Variants in ARHGEF33 observed in about 807,000 individuals in gnomAD.
The protein encoded by ARHGEF33 is Rho guanine nucleotide exchange factor 33.
In ARHGEF33, 72 loss-of-function variants were observed where a neutral mutation model predicts 101.9. That is an observed-to-expected ratio of 0.71 (90% CI 0.58 to 0.86). The LOEUF (loss-of-function observed/expected upper bound fraction) is 0.86. Among genes scored for constraint, ARHGEF33 ranks in the 40% least tolerant of loss-of-function variants. ARHGEF33 has a pLI of 0.00. For missense variants in ARHGEF33, 1,169 were observed against 1,111.3 expected (o/e 1.05, Z -0.74); for synonymous variants, 499 against 442.5 (o/e 1.13, Z -1.60).
chr2:38,910,769 C>T (rs534575435), intron 2 of ARHGEF33, among the ~76,000 whole-genome samples: 63 of 152,188 alleles, frequency 4.1e-4, no homozygotes, highest in Non-Finnish European at 6.8e-4. Context: ...TCAGTCCATT[C>T]AACCAGTTTA....
chr2:38,904,664 C>T (rs1039939696), intron 2 of ARHGEF33, among the ~76,000 whole-genome samples: 185 of 148,518 alleles, frequency 1.2e-3, no homozygotes, highest in African/African-American at 4.4e-3. Context: ...GCTGAGATTG[C>T]ACCACTGCAC....
chr2:38,943,462 C>A (rs1667363880), intron 9 of ARHGEF33, among the ~76,000 whole-genome samples: 2 of 152,160 alleles, frequency 1.3e-5, no homozygotes, highest in African/African-American at 4.8e-5. Flanking sequence ...AAGTCTTTAG[C>A]CCAGATCCCA....
At chr2:38,945,915 G>A (rs1667439194) in intron 10 of ARHGEF33, among the ~76,000 whole-genome samples, 2 of 152,264 alleles carry the variant, frequency 1.3e-5, no homozygotes, top group South Asian at 2.1e-4. Context: ...AATTAGTGCC[G>A]GGATTCAAAC....
chr2:38,890,074 G>T, intron 1 of ARHGEF33, 88 bp downstream of exon 1: 1 of 271,118 alleles, frequency 3.7e-6, no homozygotes, highest in Non-Finnish European at 7.9e-6. Context: ...CTTACCACGT[G>T]GTGTACTAAT....
intron 2 of ARHGEF33, among the ~76,000 whole-genome samples, chr2:38,910,605 A>G (rs1666488151): frequency 6.6e-6 from 1 of 152,218 alleles, no homozygotes; most frequent in Admixed American, 6.5e-5. Flanking sequence ...GAAAGAAATT[A>G]TTGGCAACAA....
chr2:38,895,962 AT>A (rs965714110), intron 2 of ARHGEF33, 113 bp downstream of exon 2: 1 of 152,206 alleles, frequency 6.6e-6, no homozygotes, highest in Non-Finnish European at 1.5e-5. Flanking sequence ...TCTTTGTAGA[AT>A]TTTATAACCA....
At chr2:38,894,085 G>A (rs773130602) in intron 1 of ARHGEF33, among the ~76,000 whole-genome samples, 3 of 152,150 alleles carry the variant, frequency 2.0e-5, no homozygotes, top group Non-Finnish European at 4.4e-5. Flanking sequence ...TTAGGAGGCC[G>A]AGACACTGGG....
chr2:38,961,587 A>G (rs1013866578), intron 16 of ARHGEF33, among the ~76,000 whole-genome samples: 2 of 152,196 alleles, frequency 1.3e-5, no homozygotes, highest in African/African-American at 4.8e-5. Flanking sequence ...GGAAACAGTG[A>G]TGACACTGAC....
chr2:38,946,253 A>G (rs1308653211), intron 10 of ARHGEF33, among the ~76,000 whole-genome samples: 2 of 152,144 alleles, frequency 1.3e-5, no homozygotes, highest in East Asian at 1.9e-4. Context: ...GCCACTTCCT[A>G]TTTTTCTAAA....
chr2:38,922,758 A>G (rs961616464), intron 4 of ARHGEF33, among the ~76,000 whole-genome samples: 2 of 152,232 alleles, frequency 1.3e-5, no homozygotes, highest in African/African-American at 4.8e-5. Flanking sequence ...GGATTGCGAT[A>G]GAGGCATTGA....
At chr2:38,890,329 C>G (rs1199374502) in intron 1 of ARHGEF33, among the ~76,000 whole-genome samples, 1 of 152,122 alleles carries the variant, frequency 6.6e-6, no homozygotes, top group Non-Finnish European at 1.5e-5. Context: ...CAGCGTAAAT[C>G]TGACATGGAC....
At chr2:38,936,945 C>T (rs1337958261) in intron 8 of ARHGEF33, 1 of 149,496 alleles carries the variant, frequency 6.7e-6, no homozygotes, top group East Asian at 2.0e-4. Flanking sequence ...CATTGCACTC[C>T]AGCCTGGGTG....
chr2:38,929,806 G>C lies in ARHGEF33; in HGVS notation c.338G>C (p.Arg113Thr). ...GAGCAGCTTCAACAGGAGAAGCGAA[G>C]AGAATCTCGAAAAGTTAAAGCCAAG... is the stretch of plus-strand genomic sequence containing the variant. ...KIEQLQQEKR[R>T]ESRKVKAKKT... The change falls in exon 6 of 18, where the codon AGA (arginine) becomes ACA (threonine). Residue 113 changes from arginine to threonine, a missense_variant. Arg to Thr is a moderately conservative substitution (Grantham distance 71). Transcript: ENST00000409978. The C allele has an allele frequency of 6.4e-7, 1 of 1,551,506 alleles. No homozygotes were observed.
chr2:38,972,431 ATAGAG>A (rs1401329664), intron 17 of ARHGEF33, among the ~76,000 whole-genome samples: 2 of 152,084 alleles, frequency 1.3e-5, no homozygotes, highest in African/African-American at 4.8e-5. Flanking sequence ...GAGTTGAGAG[ATAGAG>A]TAGTTTTTCC....
At chr2:38,950,938 C>T in intron 10 of ARHGEF33, 51 bp from the exon 11 acceptor site, 2 of 1,528,026 alleles carry the variant, frequency 1.3e-6, no homozygotes, top group Non-Finnish European at 1.8e-6. Context: ...TTGTAGGGTC[C>T]TTTCTTCTCT....
intron 2 of ARHGEF33, among the ~76,000 whole-genome samples, chr2:38,903,995 C>T (rs1666331743): frequency 6.6e-6 from 1 of 151,900 alleles, no homozygotes; most frequent in Admixed American, 6.6e-5. Flanking sequence ...ATCCTATGTA[C>T]CAGGGATAAT....
rs184110336 is a variant in ARHGEF33 at position 38,909,558 on chromosome 2, C to T, written c.-85-9805C>T. 2.1e-3 allele frequency among the ~76,000 whole-genome samples: 311 copies of T among 147,212 alleles called. 1 individual carries two copies. The highest frequency in any genetic ancestry group is 7.3e-3 in the African/African-American group (291 of 39,922). ...TTTGCCATGTTGCCCAGGCTGGTCT[C>T]AAACTTCTGGGCTAAAGCTAACTGC... On this transcript the variant is annotated intron_variant, in intron 2 of 17. Coordinates refer to ENST00000409978, the MANE Select transcript of ARHGEF33 (RefSeq NM_001145451.5).
At chr2:38,920,405 T>C (rs1311045843) in intron 3 of ARHGEF33, among the ~76,000 whole-genome samples, 1 of 136,796 alleles carries the variant, frequency 7.3e-6, no homozygotes, top group East Asian at 2.1e-4. Context: ...TTCCTTTTTT[T>C]TTTTTTTTTT....
Position 38,960,392 on chromosome 2 carries a change from C to G in ARHGEF33, c.2087C>G (p.Ala696Gly). ...AGCGCCTACAAACTGGAGGCGGCGG[C>G]GCAGGCGCACGGCAAGGCCAAGCCG... is the stretch of plus-strand genomic sequence containing the variant. ...SSSAYKLEAA[A>G]QAHGKAKPLS... Residue 696 changes from alanine (A) to glycine (G), a missense_variant, in exon 16 of 18, where the codon GCG becomes GGG. Physicochemically the swap from Ala to Gly is moderately conservative, Grantham distance 60 (BLOSUM62 0). Transcript: ENST00000409978. 1 of 1,509,092 alleles carries G rather than the reference C, an allele frequency of 6.6e-7. No individual in the cohort carries two copies. Among genetic ancestry groups the G allele is most frequent in the South Asian group, 1.2e-5 (1 of 80,028 alleles). The allele number at this position is 1,509,092 out of a possible 1,614,324, so 93.5% of individuals were successfully genotyped here.
Sources: gnomAD v4.1 joint callset for allele counts (sites outside exome capture counted in the v4.1 genomes callset) on GRCh38, gnomAD v4.1.1 for gene constraint, MANE v1.5 for transcripts, NCBI Gene and HGNC (gene_info 2026-07-23, HGNC 2026-07-21) for gene names.